Variants in DNAJB1 observed in about 807,000 individuals in gnomAD.
DNAJB1 encodes dnaJ homolog subfamily B member 1.
Under a neutral mutation model 24.0 loss-of-function variants are expected in DNAJB1, and 14 were observed. The ratio of observed to expected loss-of-function variants is 0.58; its 90% CI spans 0.39 to 0.91. The LOEUF is 0.91. Ranked by LOEUF, DNAJB1 falls within the 40% of genes least tolerant of loss-of-function variation. DNAJB1 has a pLI of 0.00. For missense variants in DNAJB1, 517 were observed against 458.1 expected (o/e 1.13, Z -1.17); for synonymous variants, 262 against 174.4 (o/e 1.50, Z -3.96).
intron 1 of DNAJB1, among the ~76,000 whole-genome samples, chr19:14,558,874 GC>G (rs2073822922): frequency 6.6e-6 from 1 of 152,180 alleles, no homozygotes. Context: ...CCCCGTCTGT[GC>G]TCAGGATCCC....
At chr19:14,551,794 A>C (rs939096623), upstream of DNAJB1, among the ~76,000 whole-genome samples, 3 of 151,824 alleles carry the variant, frequency 2.0e-5, no homozygotes, top group African/African-American at 7.3e-5. Context: ...GGAGGATCGC[A>C]TCCAGGGTGG....
intron 1 of DNAJB1, among the ~76,000 whole-genome samples, chr19:14,540,921 G>C (rs941631631): frequency 6.6e-6 from 1 of 152,054 alleles, no homozygotes; most frequent in Non-Finnish European, 1.5e-5. Context: ...TGCAACTTCC[G>C]CTTTCCGGTT....
At position 14,516,481 on chromosome 19, in the gene DNAJB1, C is replaced by G. The variant is rs779148550; in HGVS notation, c.777G>C (p.Arg259Ser). 12 of 1,611,524 alleles carry G rather than the reference C, an allele frequency of 7.4e-6. No homozygotes were observed. The South Asian group carries it at 1.2e-4, about 16-fold the overall frequency. ...GGCACCTTACCTCCCGGAGGCTGATCCTGGCAGGATAAATGACATCAGAGC... is the reference window on the plus strand; with the variant it reads ...GGCACCTTACCTCCCGGAGGCTGATGCTGGCAGGATAAATGACATCAGAGC... ...RDGSDVIYPA[R>S]ISLREALCGC... Residue 259 changes from arginine (R) to serine (S), a missense_variant, in exon 2 of 3, where the codon AGG becomes AGC. Coordinates refer to ENST00000254322, the MANE Select transcript of DNAJB1 (RefSeq NM_006145.3).
chr19:14,547,072 A>C (rs921508180), intron 1 of DNAJB1, among the ~76,000 whole-genome samples: 4 of 152,214 alleles, frequency 2.6e-5, no homozygotes, highest in African/African-American at 9.7e-5. Flanking sequence ...TATTATAATA[A>C]GATCCTATGA....
intron 1 of DNAJB1, among the ~76,000 whole-genome samples, chr19:14,536,418 C>G (rs895003826): frequency 2.6e-5 from 4 of 151,878 alleles, no homozygotes; most frequent in African/African-American, 9.7e-5. Context: ...TACAGGCGCC[C>G]ACCACCACGC....
chr19:14,531,095 C>G (rs1236557283), upstream of DNAJB1: 1 of 152,098 alleles, frequency 6.6e-6, no homozygotes, highest in Non-Finnish European at 1.5e-5. Context: ...AGTGCAATGG[C>G]GCGATCTCGG....
At chr19:14,524,949 T>C (rs2072402940) in intron 2 of DNAJB1, among the ~76,000 whole-genome samples, 3 of 151,260 alleles carry the variant, frequency 2.0e-5, no homozygotes, top group East Asian at 3.9e-4. Context: ...TATATAAAAA[T>C]TCATGGCTGG....
exon 1 of DNAJB1, among the ~76,000 whole-genome samples, chr19:14,560,188 C>T (rs1181894867): frequency 6.6e-6 from 1 of 152,224 alleles, no homozygotes; most frequent in Non-Finnish European, 1.5e-5. Flanking sequence ...CCGTACTCTC[C>T]CTCTTGGGCC....
At chr19:14,547,236 T>C (rs1326707006) in intron 1 of DNAJB1, among the ~76,000 whole-genome samples, 2 of 152,188 alleles carry the variant, frequency 1.3e-5, no homozygotes, top group African/African-American at 4.8e-5. Flanking sequence ...CCTGTAAATG[T>C]TTATGTAAAA....
chr19:14,516,196 G>A (rs535218742), intron 2 of DNAJB1, 26 bp from the exon 3 acceptor site: 6 of 1,612,002 alleles, frequency 3.7e-6, no homozygotes, highest in East Asian at 2.2e-5. Flanking sequence ...GACAGCATTA[G>A]ATGGAAGCTG....
Position 14,517,162 on chromosome 19 carries a change from G to A in DNAJB1, c.212-116C>T, listed in dbSNP as rs916737926. 6 of 1,077,434 alleles carry A rather than the reference G, an allele frequency of 5.6e-6. No individual in the cohort carries two copies. In the Admixed American group the frequency reaches 1.7e-4, roughly 30 times the overall value. The allele number at this position is 1,077,434 out of a possible 1,614,324, so 66.7% of individuals were successfully genotyped here. ...GGGGAGGAACTTTTTTGTCTGTCAG[G>A]GGAGAGCAAGGAAGAACCCCAAGTT... On this transcript the variant is annotated intron_variant, in intron 1 of 2. Transcript: ENST00000254322.
chr19:14,516,818 C>T lies in DNAJB1; in HGVS notation c.440G>A (p.Gly147Asp), dbSNP rs151186891. The T allele has an allele frequency of 4.3e-6, 7 of 1,613,610 alleles. No homozygotes were observed. Among genetic ancestry groups the T allele is most frequent in the African/African-American group, 4.0e-5 (3 of 74,898 alleles). The change falls in exon 2 of 3, where the codon GGC becomes GAC. Residue 147 changes from glycine to aspartate, a missense_variant. Physicochemically the swap from Gly to Asp is moderately conservative, Grantham distance 94. Transcript: ENST00000254322. ...GGGCTCTTGGGCAGAGCGGGAGCGGCCAAAGTTCACGTTGGTGAAGCCACC... is the reference window on the plus strand; with the variant it reads ...GGGCTCTTGGGCAGAGCGGGAGCGGTCAAAGTTCACGTTGGTGAAGCCACC... ...GMGGFTNVNF[G>D]RSRSAQEPAR...
In DNAJB1 at chr19:14,518,270, T is replaced by C. The variant is rs2146524419; in HGVS notation, c.80A>G (p.Gln27Arg). The C allele has an allele frequency of 1.2e-6, 2 of 1,609,914 alleles. No homozygotes were observed. The highest frequency in any genetic ancestry group is 4.5e-5 in the East Asian group (2 of 44,274). The change falls in exon 1 of 3, where the codon CAG becomes CGG. Residue 27 changes from glutamine to arginine, a missense_variant. By Grantham distance (43) the Gln-to-Arg change is conservative. Transcript: ENST00000254322. ...DEEIKRAYRR[Q>R]ALRYHPDKNK... ...CTTGTCCGGGTGGTAGCGCAGCGCC[T>C]GGCGGCGGTAGGCCCGCTTGATCTC...
At chr19:14,518,561 G>T, upstream of DNAJB1, 1 of 380,412 alleles carries the variant, frequency 2.6e-6, no homozygotes, top group Admixed American at 4.6e-5. Context: ...GCCGTCAACG[G>T]CCGCCCGCGC....
chr19:14,535,670 G>A (rs1192688435), intron 1 of DNAJB1, among the ~76,000 whole-genome samples: 3 of 131,604 alleles, frequency 2.3e-5, no homozygotes, highest in Admixed American at 8.4e-5. Flanking sequence ...AGGAGAATTC[G>A]TTTGAACCTG....
At chr19:14,527,185 T>TTTTTTTTTTTTTTG (rs2072442959) in intron 2 of DNAJB1, among the ~76,000 whole-genome samples, 1 of 128,546 alleles carries the variant, frequency 7.8e-6, no homozygotes, top group East Asian at 2.2e-4. Context: ...TTTTTTTTTT[T>TTTTTTTTTTTTTTG]TTTTTTTTTT....
upstream of DNAJB1, chr19:14,529,790 C>A: frequency 6.3e-7 from 1 of 1,595,770 alleles, no homozygotes; most frequent in Non-Finnish European, 8.6e-7. Flanking sequence ...CGGGACCCCA[C>A]TTTCTGGTCC....
At position 14,515,877 on chromosome 19, in the gene DNAJB1, A is replaced by G; in HGVS notation, c.*63T>C. 3 of 1,516,130 alleles carry G rather than the reference A, an allele frequency of 2.0e-6. No individual in the cohort carries two copies. The highest frequency in any genetic ancestry group is 2.7e-6 in the Non-Finnish European group (3 of 1,108,936). 93.9% of individuals were successfully genotyped at this position (1,516,130 alleles called of 1,614,324 possible). ...CCCTCTCATGGTCCACAACTGGTAG[A>G]AAGGTCCAGAAATCCTTGAGCTCTG... On this transcript the variant is annotated 3_prime_UTR_variant, in exon 3 of 3. Coordinates refer to ENST00000254322, the MANE Select transcript of DNAJB1 (RefSeq NM_006145.3).
intron 1 of DNAJB1, chr19:14,536,665 G>A (rs1185762600): frequency 6.6e-6 from 1 of 152,066 alleles, no homozygotes; most frequent in African/African-American, 2.4e-5. Flanking sequence ...CTGTGTTCAG[G>A]GATATCAGGC....
Sources: allele counts gnomAD v4.1 joint callset (sites outside exome capture counted in the v4.1 genomes callset), GRCh38; gene constraint gnomAD v4.1.1; transcripts MANE v1.5; gene names NCBI Gene and HGNC (gene_info 2026-07-23, HGNC 2026-07-21).